SGCD: variants seen among roughly 807,000 people sequenced by gnomAD.
SGCD encodes the protein delta-sarcoglycan.
In SGCD, 18 loss-of-function variants were observed where a neutral mutation model predicts 36.6. The observed-to-expected ratio is 0.49, with a 90% CI of 0.34 to 0.73. SGCD has a LOEUF of 0.73. Ranked by LOEUF, SGCD falls within the 30% of genes least tolerant of loss-of-function variation. The probability of loss-of-function intolerance (pLI) is 0.01; values close to 1 mark genes in which losing one functional copy is unlikely to be tolerated. For synonymous variants in SGCD, 133 were observed against 130.6 expected (o/e 1.02, Z -0.12); for missense variants, 387 against 346.7 (o/e 1.12, Z -0.92).
chr5:156,337,481 T>C (rs2127710473), intron 2 of SGCD, among the ~76,000 whole-genome samples: 1 of 152,338 alleles, frequency 6.6e-6, no homozygotes, highest in Non-Finnish European at 1.5e-5. Context: ...CCCTCTCCTC[T>C]GAGCTCATTC....
In SGCD at chr5:156,715,487, T is replaced by C. The variant is rs141232779; in HGVS notation, c.576-42094T>C. Among the ~76,000 whole-genome samples, 144 of 152,330 alleles carry C rather than the reference T, an allele frequency of 9.5e-4. 1 individual carries two copies. Among genetic ancestry groups the C allele is most frequent in the African/African-American group, 3.3e-3 (136 of 41,584 alleles). ...TCATTATGTTGGCTTTCCCCCATCC[T>C]GAGTGACTAATCCATGCCGCCATTT... On this transcript the variant is annotated intron_variant, in intron 7 of 8. Coordinates refer to ENST00000337851, the MANE Select transcript of SGCD (RefSeq NM_000337.6).
chr5:156,421,412 A>G (rs1470696197), intron 3 of SGCD, among the ~76,000 whole-genome samples: 1 of 152,090 alleles, frequency 6.6e-6, no homozygotes, highest in Non-Finnish European at 1.5e-5. Flanking sequence ...ATCTCATATT[A>G]GTATTGGTTT....
At chr5:156,340,206 G>A (rs919686877) in intron 2 of SGCD, among the ~76,000 whole-genome samples, 2 of 152,168 alleles carry the variant, frequency 1.3e-5, no homozygotes, top group Non-Finnish European at 2.9e-5. Flanking sequence ...TGACAGTAGA[G>A]CATTTGTTTT....
At chr5:156,206,004 ATT>A (rs1764267276) in intron 3 of SGCD, among the ~76,000 whole-genome samples, 1 of 143,940 alleles carries the variant, frequency 6.9e-6, no homozygotes, top group African/African-American at 2.5e-5. Flanking sequence ...ATATATATAT[ATT>A]ATATATTATA....
chr5:156,146,278 T>C (rs1247677514), intron 3 of SGCD, among the ~76,000 whole-genome samples: 2 of 152,156 alleles, frequency 1.3e-5, no homozygotes, highest in African/African-American at 2.4e-5. Flanking sequence ...CATTCAAAGA[T>C]AAATAAACAT....
At chr5:156,344,456 G>T in intron 2 of SGCD, 33 bp from the exon 3 acceptor site, 2 of 1,438,638 alleles carry the variant, frequency 1.4e-6, no homozygotes, top group Non-Finnish European at 1.9e-6. Flanking sequence ...GCGGTTTAAT[G>T]TGAGTGCTTC....
chr5:156,577,370 C>G (rs137972965), intron 4 of SGCD, among the ~76,000 whole-genome samples: 5,885 of 152,188 alleles, frequency 0.039, 185 homozygotes, highest in East Asian at 0.17. Context: ...CAGCTTTGTT[C>G]TTTTTGCTTA....
At chr5:156,493,548 G>A (rs990680023) in intron 3 of SGCD, among the ~76,000 whole-genome samples, 3 of 152,082 alleles carry the variant, frequency 2.0e-5, no homozygotes, top group African/African-American at 7.2e-5. Flanking sequence ...CCCAACTCTG[G>A]ATATCTGAAA....
chr5:156,525,521 G>T (rs1485703569), intron 4 of SGCD, among the ~76,000 whole-genome samples: 4 of 151,652 alleles, frequency 2.6e-5, no homozygotes, highest in African/African-American at 9.7e-5. Context: ...ACATTCCATA[G>T]ATTTCCTTTT....
At chr5:156,494,599 A>G (rs1756096372) in intron 3 of SGCD, among the ~76,000 whole-genome samples, 2 of 152,188 alleles carry the variant, frequency 1.3e-5, no homozygotes, top group Non-Finnish European at 2.9e-5. Flanking sequence ...GAAGTCTTAG[A>G]ATATAAAATG....
intron 3 of SGCD, among the ~76,000 whole-genome samples, chr5:156,183,889 G>A (rs533384805): frequency 3.9e-5 from 6 of 152,206 alleles, no homozygotes; most frequent in African/African-American, 1.4e-4. Flanking sequence ...GAAAAATCAA[G>A]AGCAGTAATA....
intron 3 of SGCD, among the ~76,000 whole-genome samples, chr5:156,386,693 T>G (rs1771291957): frequency 6.6e-6 from 1 of 152,264 alleles, no homozygotes; most frequent in South Asian, 2.1e-4. Context: ...TTCCTGATGG[T>G]GATCCCCTTG....
chr5:156,400,686 T>C (rs183307014), intron 3 of SGCD, among the ~76,000 whole-genome samples: 2 of 152,370 alleles, frequency 1.3e-5, no homozygotes, highest in East Asian at 3.9e-4. Context: ...ATGCTTTGTA[T>C]CTGCAGCTGT....
intron 3 of SGCD, among the ~76,000 whole-genome samples, chr5:156,422,033 G>C (rs900348386): frequency 6.6e-6 from 1 of 152,002 alleles, no homozygotes; most frequent in African/African-American, 2.4e-5. Flanking sequence ...TTACTAATGT[G>C]ATTTCCAATG....
At chr5:156,153,591 G>C (rs936965276) in intron 3 of SGCD, among the ~76,000 whole-genome samples, 7 of 151,544 alleles carry the variant, frequency 4.6e-5, no homozygotes, top group African/African-American at 1.5e-4. Context: ...CCTTATTTTG[G>C]CTGATAGTCT....
intron 3 of SGCD, among the ~76,000 whole-genome samples, chr5:156,166,410 G>A (rs1188452789): frequency 6.6e-6 from 1 of 151,956 alleles, no homozygotes; most frequent in Admixed American, 6.5e-5. Context: ...TCTGCCTCCT[G>A]GGTTCACGTC....
At chr5:156,467,603 A>G (rs1754771854) in intron 3 of SGCD, among the ~76,000 whole-genome samples, 1 of 152,238 alleles carries the variant, frequency 6.6e-6, no homozygotes, top group Non-Finnish European at 1.5e-5. Flanking sequence ...ATGTTCTGCA[A>G]CTATCATTGT....
At chr5:156,295,440 T>A (rs1766868716) in intron 3 of SGCD, among the ~76,000 whole-genome samples, 1 of 152,204 alleles carries the variant, frequency 6.6e-6, no homozygotes, top group Non-Finnish European at 1.5e-5. Context: ...TTATGTTTCT[T>A]TTCTCTATTT....
intron 3 of SGCD, among the ~76,000 whole-genome samples, chr5:156,380,447 G>A (rs1204075730): frequency 6.6e-6 from 1 of 152,210 alleles, no homozygotes; most frequent in Non-Finnish European, 1.5e-5. Flanking sequence ...AGCTGGAGGA[G>A]CAAGCACAGT....
Sources: allele counts gnomAD v4.1 joint callset (sites outside exome capture counted in the v4.1 genomes callset), GRCh38; gene constraint gnomAD v4.1.1; transcripts MANE v1.5; gene names NCBI Gene and HGNC (gene_info 2026-07-23, HGNC 2026-07-21).